PSD2: variants seen among roughly 807,000 people sequenced by gnomAD.
The protein encoded by PSD2 is pleckstrin and Sec7 domain containing 2.
Under a neutral mutation model 69.8 loss-of-function variants are expected in PSD2, and 38 were observed. The ratio of observed to expected loss-of-function variants is 0.54; its 90% CI spans 0.42 to 0.71. The LOEUF (loss-of-function observed/expected upper bound fraction) is 0.71, where lower values mean the gene tolerates loss of function less well. Ranked by LOEUF, PSD2 falls within the 30% of genes least tolerant of loss-of-function variation. The probability of loss-of-function intolerance (pLI) is 0.00; values close to 1 mark genes in which losing one functional copy is unlikely to be tolerated. For missense variants in PSD2, 943 were observed against 1,014.5 expected, an observed-to-expected ratio of 0.93 and a Z score of 0.96; for synonymous variants, 412 against 423.0, an observed-to-expected ratio of 0.97 and a Z score of 0.32.
At chr5:139,745,986 C>A in the PSD2 span, among the ~76,000 whole-genome samples, 1 of 152,198 alleles carries the variant, frequency 6.6e-6, no homozygotes, top group African/African-American at 2.4e-5. Flanking sequence ...CAAGCCCCTC[C>A]TCCCCACCGC....
At chr5:139,838,352 C>T (rs1462923281) in intron 12 of PSD2, among the ~76,000 whole-genome samples, 1 of 152,174 alleles carries the variant, frequency 6.6e-6, no homozygotes, top group East Asian at 1.9e-4. Flanking sequence ...GTCACTCCCA[C>T]CTATTCACTC....
the PSD2 span, among the ~76,000 whole-genome samples, chr5:139,761,338 A>G: frequency 6.6e-6 from 1 of 152,220 alleles, no homozygotes; most frequent in African/African-American, 2.4e-5. Flanking sequence ...CTTCTCCTCC[A>G]TTCTTTCCTG....
intron 2 of PSD2, among the ~76,000 whole-genome samples, chr5:139,810,143 TG>T (rs1423005060): frequency 1.3e-5 from 2 of 152,138 alleles, no homozygotes. Flanking sequence ...AAAATTCATG[TG>T]GTTCATTTCT....
chr5:139,816,944 T>C lies in PSD2; in HGVS notation c.1017-537T>C, dbSNP rs1226570323. On this transcript the variant is annotated intron_variant, in intron 4 of 14. Transcript: ENST00000274710. Reference sequence around the variant, plus strand: ...GCCGCACGTCCATTCCATCTCCTTGTCTTGTGGATTCTGCCCCCTAAATTT... The same window carrying C: ...GCCGCACGTCCATTCCATCTCCTTGCCTTGTGGATTCTGCCCCCTAAATTT... Among the ~76,000 whole-genome samples the C allele has an allele frequency of 2.6e-5, 4 of 152,212 alleles. No homozygotes were observed. The East Asian group carries it at 7.7e-4, about 29-fold the overall frequency.
intron 5 of PSD2, 49 bp from the exon 6 acceptor site, chr5:139,821,844 C>A: frequency 8.6e-7 from 1 of 1,168,790 alleles, no homozygotes; most frequent in Non-Finnish European, 1.3e-6. Flanking sequence ...GTGGTCTTAC[C>A]CTGGGTGAGG....
In PSD2 at chr5:139,814,144, C is replaced by A. The variant is rs1760052900; in HGVS notation, c.822-26C>A. Reference sequence around the variant, plus strand: ...CTTTGACCCTGGGCCTCTGACGCTACTCTTCCACCCACCTTCCATCTGCAG... The same window carrying A: ...CTTTGACCCTGGGCCTCTGACGCTAATCTTCCACCCACCTTCCATCTGCAG... On this transcript the variant is annotated intron_variant, in intron 3 of 14. Coordinates refer to ENST00000274710, the MANE Select transcript of PSD2 (RefSeq NM_032289.4). The surrounding 1 kb of genome is among the most constrained non-coding windows in gnomAD (Gnocchi z 4.4). 1 of 1,607,410 alleles carries A rather than the reference C, an allele frequency of 6.2e-7. No homozygotes were observed. Among genetic ancestry groups the A allele is most frequent in the Non-Finnish European group, 8.5e-7 (1 of 1,177,526 alleles).
chr5:139,822,083 C>G, intron 6 of PSD2, 78 bp downstream of exon 6: 1 of 898,748 alleles, frequency 1.1e-6, no homozygotes. Flanking sequence ...CCTGGTCCAC[C>G]TGGCACTTCG....
At chr5:139,745,720 T>C in the PSD2 span, among the ~76,000 whole-genome samples, 1 of 152,190 alleles carries the variant, frequency 6.6e-6, no homozygotes, top group Non-Finnish European at 1.5e-5. Flanking sequence ...AACCCACTTC[T>C]TGAGGCCCCG....
intron 1 of PSD2, among the ~76,000 whole-genome samples, chr5:139,797,568 G>A (rs1251309126): frequency 6.6e-6 from 1 of 152,234 alleles, no homozygotes; most frequent in African/African-American, 2.4e-5. Flanking sequence ...GCCTCCCAGG[G>A]TCTTCCCTGA....
the PSD2 span, among the ~76,000 whole-genome samples, chr5:139,766,827 CCTT>C: frequency 7.5e-3 from 389 of 51,612 alleles, 12 homozygotes; most frequent in Middle Eastern, 0.041. Flanking sequence ...CAAGTCCCTT[CCTT>C]CTTTCTTTCT....
intron 8 of PSD2, 58 bp downstream of exon 8, chr5:139,833,849 G>A: frequency 7.6e-7 from 1 of 1,308,212 alleles, no homozygotes. Flanking sequence ...ATAGAGAGGA[G>A]AGAGGTCTGT....
chr5:139,833,021 T>C (rs892538301), intron 7 of PSD2, among the ~76,000 whole-genome samples: 1 of 152,086 alleles, frequency 6.6e-6, no homozygotes, highest in Non-Finnish European at 1.5e-5. Context: ...CACTTGTGTG[T>C]CCATGGCAAT....
At chr5:139,756,950 G>A in the PSD2 span, among the ~76,000 whole-genome samples, 4 of 152,176 alleles carry the variant, frequency 2.6e-5, no homozygotes, top group African/African-American at 7.2e-5. Flanking sequence ...GGTCAGGCCC[G>A]AGTCTCCATT....
In PSD2 at chr5:139,837,349, C is replaced by A. The variant is rs373866973; in HGVS notation, c.1665+111C>A. The stretch of plus-strand genomic sequence containing the variant: ...GCAGGACCTGGGGCTCAGGCACATG[C>A]TGGGTCCTTCCCCAGACTTGGGCCC... On this transcript the variant is annotated intron_variant, in intron 11 of 14. Transcript: ENST00000274710. This position sits in a 1 kb window ranked among gnomAD's most constrained non-coding sequence, Gnocchi z 5.0. 1.7e-5 allele frequency: 19 copies of A among 1,093,466 alleles called. No homozygotes were observed. In the East Asian group the frequency reaches 2.7e-4, roughly 15 times the overall value. The allele number at this position is 1,093,466 out of a possible 1,614,324, so 67.7% of individuals were successfully genotyped here. A position where few individuals can be genotyped will look rare whatever the true frequency, so the allele number is the denominator to read the frequency against.
the PSD2 span, among the ~76,000 whole-genome samples, chr5:139,775,898 A>G: frequency 2.0e-5 from 3 of 152,102 alleles, 1 homozygote; most frequent in Non-Finnish European, 4.4e-5. Context: ...CAAACTCCTG[A>G]CTTCAGGTGA....
rs778918770 is a variant in PSD2, at chr5:139,837,243, G to A, written c.1665+5G>A. On this transcript the variant is annotated splice_donor_5th_base_variant and intron_variant, in intron 11 of 14. Transcript: ENST00000274710. The surrounding 1 kb of genome is among the most constrained non-coding windows in gnomAD (Gnocchi z 5.0). ...ACCATCCTGTACCTGCAGAAGGTGA[G>A]AGACTGCCCCAGAGACCTTACTCAG... The A allele has an allele frequency of 1.9e-6, 3 of 1,613,810 alleles. No individual in the cohort carries two copies. The highest frequency in any genetic ancestry group is 2.5e-6 in the Non-Finnish European group (3 of 1,179,738).
the PSD2 span, among the ~76,000 whole-genome samples, chr5:139,786,047 C>T: frequency 3.9e-5 from 6 of 151,914 alleles, no homozygotes; most frequent in African/African-American, 1.5e-4. Context: ...TGTGATCACA[C>T]CACTGCACTG....
the PSD2 span, among the ~76,000 whole-genome samples, chr5:139,776,706 T>C: frequency 2.6e-5 from 4 of 151,548 alleles, no homozygotes; most frequent in African/African-American, 7.3e-5. Flanking sequence ...TCTTGTTCTG[T>C]CACCCAGGCT....
At chr5:139,750,527 G>A in the PSD2 span, among the ~76,000 whole-genome samples, 2 of 152,154 alleles carry the variant, frequency 1.3e-5, no homozygotes, top group African/African-American at 4.8e-5. Flanking sequence ...CAAAGGAGGG[G>A]CAGCTCAGCC....
Sources: gnomAD v4.1 joint callset for allele counts (sites outside exome capture counted in the v4.1 genomes callset) on GRCh38, gnomAD v4.1.1 for gene constraint, Gnocchi (gnomAD v3.1) non-coding constraint, MANE v1.5 for transcripts, NCBI Gene and HGNC (gene_info 2026-07-23, HGNC 2026-07-21) for gene names.